Variants in ABCA12 observed in about 807,000 individuals in gnomAD.
ABCA12 encodes ATP binding cassette subfamily A member 12, also known as glucosylceramide transporter ABCA12.
In ABCA12, 156 loss-of-function variants were observed where a neutral mutation model predicts 293.5. The ratio of observed to expected loss-of-function variants is 0.53; its 90% CI spans 0.47 to 0.61. The LOEUF (loss-of-function observed/expected upper bound fraction) is 0.61. Among genes scored for constraint, ABCA12 ranks in the 20% least tolerant of loss-of-function variants. The pLI is 0.00. For missense variants in ABCA12, 2,797 were observed against 3,090.2 expected, an observed-to-expected ratio of 0.91 and a Z score of 2.25; for synonymous variants, 1,063 against 1,108.0, an observed-to-expected ratio of 0.96 and a Z score of 0.81.
chr2:215,013,092 G>A (rs1218733206), intron 15 of ABCA12: 1 of 152,064 alleles, frequency 6.6e-6, no homozygotes, highest in African/African-American at 2.4e-5. Context: ...TCCCAGCACT[G>A]GGTGAGGTGA....
At chr2:215,068,847 G>A (rs981095484) in intron 2 of ABCA12, among the ~76,000 whole-genome samples, 5 of 151,932 alleles carry the variant, frequency 3.3e-5, no homozygotes, top group African/African-American at 1.2e-4. Flanking sequence ...ACTCACTTCC[G>A]CAATAAATTC....
In ABCA12 at chr2:214,956,930, T is replaced by C. The variant is rs186179560; in HGVS notation, c.6118-152A>G. 714 of 634,312 alleles carry C rather than the reference T, an allele frequency of 1.1e-3. 4 individuals are homozygous for C. Among genetic ancestry groups the C allele is most frequent in the African/African-American group, 8.3e-3 (453 of 54,254 alleles). 39.3% of individuals were successfully genotyped at this position (634,312 alleles called of 1,614,324 possible). ...ATTTATGTTCCCATTGCTTCTAACA[T>C]TCAACTTATTTTACATTGATTTCAC... On this transcript the variant is annotated intron_variant, in intron 41 of 52. Coordinates refer to ENST00000272895, the MANE Select transcript of ABCA12 (RefSeq NM_173076.3).
intron 3 of ABCA12, among the ~76,000 whole-genome samples, chr2:215,058,080 G>A (rs1403831): frequency 0.64 from 97,419 of 151,822 alleles, 31,904 homozygotes; most frequent in African/African-American, 0.77. Flanking sequence ...TCCCATTTGT[G>A]TTTGTTATAG....
rs1701193535 is a variant in ABCA12, at chr2:215,045,970, C to T, written c.739G>A (p.Val247Ile). 1.2e-6 allele frequency: 2 copies of T among 1,613,598 alleles called. No homozygotes were observed. The highest frequency in any genetic ancestry group is 1.3e-5 in the African/African-American group (1 of 74,918). The change falls in exon 7 of 53, where the codon GTC becomes ATC. Residue 247 changes from valine (V) to isoleucine (I), a missense_variant. Physicochemically the swap from Val to Ile is conservative, Grantham distance 29 (BLOSUM62 3). Transcript: ENST00000272895. ...NNQKIVFQEI[V>I]RMLSFFSQVQ... ...TGTGAGAAGAAAGACAGCATTCTGA[C>T]TATTTCCTGAAACACTATCTTCTGA...
intron 1 of ABCA12, among the ~76,000 whole-genome samples, chr2:215,127,632 C>T (rs1370518594): frequency 6.6e-6 from 1 of 152,068 alleles, no homozygotes; most frequent in Non-Finnish European, 1.5e-5. Context: ...CTTTTGGTGT[C>T]CATTTGCATG....
chr2:214,933,974 A>T, intron 52 of ABCA12, 104 bp downstream of exon 52: 1 of 1,235,414 alleles, frequency 8.1e-7, no homozygotes, highest in Non-Finnish European at 1.2e-6. Context: ...ACTAGATATT[A>T]ATTCAATTAA....
At chr2:214,947,189 G>C (rs1698609524) in intron 48 of ABCA12, among the ~76,000 whole-genome samples, 7 of 152,144 alleles carry the variant, frequency 4.6e-5, no homozygotes, top group Admixed American at 3.9e-4. Flanking sequence ...AACGCACTAA[G>C]CTATTGCTTT....
intron 47 of ABCA12, 145 bp from the exon 48 acceptor site, chr2:214,947,701 CA>C: frequency 1.1e-6 from 1 of 899,560 alleles, no homozygotes. Flanking sequence ...TTAAATTCAA[CA>C]TAGATTTTAT....
Position 214,956,748 on chromosome 2 carries a change from T to C in ABCA12, c.6148A>G (p.Ile2050Val), listed in dbSNP as rs766766988. 1.2e-5 allele frequency: 20 copies of C among 1,613,300 alleles called. No individual in the cohort carries two copies. Among genetic ancestry groups the C allele is most frequent in the East Asian group, 2.2e-5 (1 of 44,824 alleles). The change falls in exon 42 of 53, where the codon ATT (isoleucine) becomes GTT (valine). Residue 2050 changes from isoleucine to valine, a missense_variant. By Grantham distance (29) the Ile-to-Val change is conservative. Coordinates refer to ENST00000272895, the MANE Select transcript of ABCA12 (RefSeq NM_173076.3). Reference protein sequence around the residue: ...VFYLVPVAFSIGIIAIFKLPA... With the variant: ...VFYLVPVAFSVGIIAIFKLPA... ...AATTTGAAAATCGCAATGATACCAATTGAAAACGCTACAGGCACCAAGTAG... is the reference window on the plus strand; with the variant it reads ...AATTTGAAAATCGCAATGATACCAACTGAAAACGCTACAGGCACCAAGTAG...
At chr2:215,054,062 A>G (rs1268457695) in intron 4 of ABCA12, among the ~76,000 whole-genome samples, 3 of 152,044 alleles carry the variant, frequency 2.0e-5, no homozygotes, top group Non-Finnish European at 2.9e-5. Flanking sequence ...GAAGACTGTG[A>G]TACTAAGCCT....
chr2:215,033,797 C>T (rs951526962), intron 8 of ABCA12, among the ~76,000 whole-genome samples: 2 of 151,740 alleles, frequency 1.3e-5, no homozygotes, highest in African/African-American at 2.4e-5. Flanking sequence ...AAAAATTAGC[C>T]GGGCGTGGTA....
intron 1 of ABCA12, among the ~76,000 whole-genome samples, chr2:215,134,518 G>GTA (rs1235045115): frequency 9.7e-6 from 1 of 103,526 alleles, no homozygotes; most frequent in South Asian, 2.7e-4. Flanking sequence ...ATGTATATGT[G>GTA]TATATATACG....
At chr2:215,016,685 T>C (rs1275291582) in intron 14 of ABCA12, among the ~76,000 whole-genome samples, 1 of 148,356 alleles carries the variant, frequency 6.7e-6, no homozygotes, top group Non-Finnish European at 1.5e-5. Context: ...TCATTCAAAA[T>C]TAAAATCTTA....
At chr2:214,948,813 A>G in intron 46 of ABCA12, 76 bp from the exon 47 acceptor site, 4 of 1,579,464 alleles carry the variant, frequency 2.5e-6, no homozygotes, top group Non-Finnish European at 3.5e-6. Flanking sequence ...CTGGGAAGGT[A>G]GCTCTATTTT....
intron 22 of ABCA12, chr2:214,999,950 G>A (rs995941371): frequency 1.8e-4 from 62 of 351,946 alleles, no homozygotes; most frequent in Non-Finnish European, 1.9e-4. Context: ...ACTGGGTTGC[G>A]TAGCATGTTC....
chr2:215,101,017 G>A (rs1446238928), intron 2 of ABCA12, among the ~76,000 whole-genome samples: 1 of 152,140 alleles, frequency 6.6e-6, no homozygotes, highest in African/African-American at 2.4e-5. Flanking sequence ...TCTCTGAGAG[G>A]AGGTTTGCTC....
At chr2:214,953,382 G>T (rs570696464) in intron 44 of ABCA12, among the ~76,000 whole-genome samples, 1 of 152,274 alleles carries the variant, frequency 6.6e-6, no homozygotes, top group Admixed American at 6.5e-5. Context: ...TCCAGAAATG[G>T]AATTGCTGGG....
At chr2:215,080,783 G>C (rs1701921727) in intron 2 of ABCA12, 1 of 153,072 alleles carries the variant, frequency 6.5e-6, no homozygotes, top group South Asian at 2.1e-4. Context: ...GCTCCATTGG[G>C]AAGTCAAGAC....
intron 19 of ABCA12, among the ~76,000 whole-genome samples, chr2:215,007,165 G>A (rs1473580401): frequency 3.3e-5 from 5 of 152,108 alleles, no homozygotes; most frequent in South Asian, 2.1e-4. Flanking sequence ...GTGAGCTACC[G>A]CACCTGGCCT....
Sources: gnomAD v4.1 joint callset for allele counts (sites outside exome capture counted in the v4.1 genomes callset) on GRCh38, gnomAD v4.1.1 for gene constraint, MANE v1.5 for transcripts, NCBI Gene and HGNC (gene_info 2026-07-23, HGNC 2026-07-21) for gene names.